The following TAFA1 variants were observed in gnomAD, a reference collection of about 807,000 sequenced individuals.
The protein encoded by TAFA1 is TAFA chemokine like family member 1.
In TAFA1, 4 loss-of-function variants were observed where a neutral mutation model predicts 18.5. The ratio of observed to expected loss-of-function variants is 0.22; its 90% confidence interval spans 0.11 to 0.49. TAFA1 has a LOEUF of 0.49. Among genes scored for constraint, TAFA1 ranks in the 20% least tolerant of loss-of-function variants. TAFA1 has a pLI of 0.98. For missense variants in TAFA1, 147 were observed against 169.0 expected (o/e 0.87, Z 0.72); for synonymous variants, 56 against 55.2 (o/e 1.01, Z -0.06).
At chr3:68,252,410 T>C (rs919129446) in intron 2 of TAFA1, among the ~76,000 whole-genome samples, 1 of 152,144 alleles carries the variant, frequency 6.6e-6, no homozygotes, top group East Asian at 1.9e-4. Context: ...CTTAAAAAAA[T>C]TACATCAAAT....
chr3:68,467,646 G>A (rs1004851250), intron 3 of TAFA1, among the ~76,000 whole-genome samples: 4 of 152,154 alleles, frequency 2.6e-5, no homozygotes, highest in African/African-American at 9.7e-5. Flanking sequence ...AACATCAGGG[G>A]TAAGGGGAGA....
At chr3:68,249,343 A>G (rs2067146173) in intron 2 of TAFA1, among the ~76,000 whole-genome samples, 1 of 151,744 alleles carries the variant, frequency 6.6e-6, no homozygotes, top group Non-Finnish European at 1.5e-5. Context: ...CCAGGCTTCA[A>G]CTCCACTAGC....
At chr3:68,306,357 G>A (rs2068422172) in intron 2 of TAFA1, among the ~76,000 whole-genome samples, 1 of 152,108 alleles carries the variant, frequency 6.6e-6, no homozygotes, top group South Asian at 2.1e-4. Flanking sequence ...GTTTGACCTT[G>A]CAAAAATTTA....
intron 2 of TAFA1, among the ~76,000 whole-genome samples, chr3:68,341,998 T>A (rs2069093921): frequency 1.3e-5 from 2 of 152,146 alleles, no homozygotes; most frequent in Non-Finnish European, 2.9e-5. Flanking sequence ...GTTTGAAGAA[T>A]GGGATCTTGC....
intron 3 of TAFA1, among the ~76,000 whole-genome samples, chr3:68,425,409 C>T (rs2071033713): frequency 6.6e-6 from 1 of 151,896 alleles, no homozygotes; most frequent in African/African-American, 2.4e-5. Context: ...TTGACTTTAT[C>T]AGAAGACATT....
At chr3:68,049,496 T>G (rs2064439036) in intron 2 of TAFA1, among the ~76,000 whole-genome samples, 1 of 151,962 alleles carries the variant, frequency 6.6e-6, no homozygotes, top group Non-Finnish European at 1.5e-5. Flanking sequence ...GGAGAAGAAA[T>G]GTCATTTGTG....
chr3:68,487,172 C>A (rs998554491), intron 3 of TAFA1, among the ~76,000 whole-genome samples: 10 of 152,076 alleles, frequency 6.6e-5, no homozygotes, highest in African/African-American at 1.2e-4. Flanking sequence ...GTGACTTAAT[C>A]CAAAATATTA....
intron 3 of TAFA1, among the ~76,000 whole-genome samples, chr3:68,525,773 G>C (rs974520277): frequency 6.6e-6 from 1 of 152,046 alleles, no homozygotes; most frequent in Non-Finnish European, 1.5e-5. Context: ...GTTAATTACA[G>C]CAAACCTGAA....
intron 2 of TAFA1, among the ~76,000 whole-genome samples, chr3:68,397,485 A>G (rs2070406418): frequency 6.6e-6 from 1 of 152,244 alleles, no homozygotes; most frequent in Non-Finnish European, 1.5e-5. Flanking sequence ...TGCAAAGGAC[A>G]TAAACTCATT....
intron 2 of TAFA1, among the ~76,000 whole-genome samples, chr3:68,270,090 A>C (rs2067633720): frequency 6.6e-6 from 1 of 152,148 alleles, no homozygotes; most frequent in African/African-American, 2.4e-5. Context: ...CTTTGTGCCA[A>C]AGAGTTGGAG....
chr3:68,518,123 C>G (rs994434135), intron 3 of TAFA1, among the ~76,000 whole-genome samples: 1 of 152,226 alleles, frequency 6.6e-6, no homozygotes, highest in Admixed American at 6.5e-5. Flanking sequence ...TTGCAGACAT[C>G]CCTTTTTCAA....
In TAFA1 at chr3:68,371,382, C is replaced by A. The variant is rs185390051; in HGVS notation, c.119-45898C>A. On this transcript the variant is annotated intron_variant, in intron 2 of 4. Transcript: ENST00000478136. ...CCTAATGCTCTCTCTCCCCTTGCCCCCAACCCCCAACGGGCCCCAGTGTGT... is the reference window on the plus strand; with the variant it reads ...CCTAATGCTCTCTCTCCCCTTGCCCACAACCCCCAACGGGCCCCAGTGTGT... 5.3e-5 allele frequency among the ~76,000 whole-genome samples: 8 copies of A among 152,166 alleles called. No homozygotes were observed. The East Asian group carries it at 1.5e-3, about 29-fold the overall frequency.
intron 2 of TAFA1, among the ~76,000 whole-genome samples, chr3:68,136,188 A>G (rs1019219852): frequency 5.9e-5 from 9 of 152,188 alleles, no homozygotes. Flanking sequence ...TGATAGACCT[A>G]TATTTCCTTC....
the TAFA1 span, among the ~76,000 whole-genome samples, chr3:67,998,349 C>CTCAATATTCA: frequency 6.6e-6 from 1 of 152,232 alleles, no homozygotes; most frequent in African/African-American, 2.4e-5. Context: ...TAATTATGCC[C>CTCAATATTCA]TCAATATTCA....
At chr3:68,394,655 C>T (rs930710810) in intron 2 of TAFA1, among the ~76,000 whole-genome samples, 2 of 152,084 alleles carry the variant, frequency 1.3e-5, no homozygotes, top group African/African-American at 4.8e-5. Flanking sequence ...CACTATGCAT[C>T]TACAAGTACC....
intron 3 of TAFA1, among the ~76,000 whole-genome samples, chr3:68,517,778 T>A (rs2072946040): frequency 1.3e-5 from 2 of 152,168 alleles, no homozygotes; most frequent in African/African-American, 4.8e-5. Context: ...TCAAAAGTGA[T>A]CATTTCTATT....
intron 2 of TAFA1, among the ~76,000 whole-genome samples, chr3:68,386,439 T>C (rs572526489): frequency 3.9e-5 from 6 of 152,268 alleles, no homozygotes; most frequent in African/African-American, 9.6e-5. Context: ...CCTATGTAGA[T>C]AGCATGGAGA....
intron 2 of TAFA1, among the ~76,000 whole-genome samples, chr3:68,263,228 C>T (rs1158396597): frequency 2.6e-5 from 4 of 152,012 alleles, no homozygotes; most frequent in Non-Finnish European, 5.9e-5. Context: ...TAAAAGTATA[C>T]TTCTATGGTA....
At chr3:68,261,429 G>T (rs1035694879) in intron 2 of TAFA1, among the ~76,000 whole-genome samples, 7 of 152,134 alleles carry the variant, frequency 4.6e-5, no homozygotes, top group South Asian at 2.1e-4. Context: ...ATACCCAAAG[G>T]ATTATAAATC....
Sources: gnomAD v4.1 joint callset for allele counts (sites outside exome capture counted in the v4.1 genomes callset) on GRCh38, gnomAD v4.1.1 for gene constraint, MANE v1.5 for transcripts, NCBI Gene and HGNC (gene_info 2026-07-23, HGNC 2026-07-21) for gene names.